UBAP2: variants seen among roughly 807,000 people sequenced by gnomAD.
UBAP2 encodes the protein ubiquitin-associated protein 2.
In UBAP2, 75 loss-of-function variants were observed where a neutral mutation model predicts 139.6. The observed-to-expected ratio is 0.54, with a 90% CI of 0.45 to 0.65. The LOEUF is 0.65. Among genes scored for constraint, UBAP2 ranks in the 30% least tolerant of loss-of-function variants. The pLI is 0.00. For missense variants in UBAP2, 1,368 were observed against 1,369.6 expected (o/e 1.00, Z 0.02); for synonymous variants, 526 against 526.2 (o/e 1.00, Z 0.01).
chr9:33,923,164 G>A (rs561193287), intron 26 of UBAP2, 22 bp downstream of exon 26: 2 of 1,613,858 alleles, frequency 1.2e-6, no homozygotes, highest in South Asian at 2.2e-5. Flanking sequence ...GCCTTATCCT[G>A]GAAAGGAGAG....
In UBAP2 at chr9:34,034,126, C is replaced by G. The variant is rs139373837; in HGVS notation, c.-42+14699G>C. 6.6e-5 allele frequency among the ~76,000 whole-genome samples: 10 copies of G among 152,250 alleles called. No homozygotes were observed. The East Asian group carries it at 1.9e-3, about 29-fold the overall frequency. Reference sequence around the variant, plus strand: ...AGGAACCATTTCAACATTTGGCACTCAAATGTCACAAATTCACAATTTATT... The same window carrying G: ...AGGAACCATTTCAACATTTGGCACTGAAATGTCACAAATTCACAATTTATT... On this transcript the variant is annotated intron_variant, in intron 1 of 28. Coordinates refer to ENST00000379238, the MANE Select transcript of UBAP2 (RefSeq NM_001370062.2).
At chr9:34,041,967 G>A (rs1466250905) in intron 1 of UBAP2, among the ~76,000 whole-genome samples, 1 of 152,004 alleles carries the variant, frequency 6.6e-6, no homozygotes, top group African/African-American at 2.4e-5. Context: ...GAATGTTGCA[G>A]TGAGCCAGGA....
In UBAP2 at chr9:33,941,672, C is replaced by G. The variant is rs1825217724; in HGVS notation, c.1906G>C (p.Glu636Gln). Reference sequence around the variant, plus strand: ...ACCATGATGGTTCCTGGAGCTGACTCTGATGAACTCACAGGGCTTTGGTAT... The same window carrying G: ...ACCATGATGGTTCCTGGAGCTGACTGTGATGAACTCACAGGGCTTTGGTAT... ...IPYQSPVSSSESAPGTIMNGH... is the reference protein window; with the variant it reads ...IPYQSPVSSSQSAPGTIMNGH... The change falls in exon 16 of 29, where the codon GAG (glutamate) becomes CAG (glutamine). Residue 636 changes from glutamate to glutamine, a missense_variant. Physicochemically the swap from Glu to Gln is conservative, Grantham distance 29 (BLOSUM62 2). Transcript: ENST00000379238. The G allele has an allele frequency of 1.2e-6, 2 of 1,614,028 alleles. No homozygotes were observed. The highest frequency in any genetic ancestry group is 2.2e-5 in the East Asian group (1 of 44,882).
intron 1 of UBAP2, among the ~76,000 whole-genome samples, chr9:34,029,973 C>T (rs1244505186): frequency 6.9e-6 from 1 of 144,716 alleles, no homozygotes; most frequent in Non-Finnish European, 1.5e-5. Context: ...GGTGACAGAG[C>T]AAGACTCCAT....
In UBAP2 at chr9:33,956,328, T is replaced by C. The variant is rs1028951283; in HGVS notation, c.799-182A>G. On this transcript the variant is annotated intron_variant, in intron 10 of 28. Coordinates refer to ENST00000379238, the MANE Select transcript of UBAP2 (RefSeq NM_001370062.2). Reference sequence around the variant, plus strand: ...TTCAAGTGAATGCAATTTTTTTTTTTTTTTTTTTGAGACAGGGTCTGGCGC... The same window carrying C: ...TTCAAGTGAATGCAATTTTTTTTTTCTTTTTTTTGAGACAGGGTCTGGCGC... Among the ~76,000 whole-genome samples, 6 of 151,932 alleles carry C rather than the reference T, an allele frequency of 3.9e-5. No individual in the cohort carries two copies. The South Asian group carries it at 8.3e-4, about 21-fold the overall frequency.
Position 33,941,800 on chromosome 9 carries a change from G to A in UBAP2, c.1778C>T (p.Ser593Phe). The A allele has an allele frequency of 6.2e-7, 1 of 1,614,032 alleles. No homozygotes were observed. The highest frequency in any genetic ancestry group is 8.5e-7 in the Non-Finnish European group (1 of 1,180,004). Residue 593 changes from serine to phenylalanine, a missense_variant, in exon 16 of 29, where the codon TCC becomes TTC. Coordinates refer to ENST00000379238, the MANE Select transcript of UBAP2 (RefSeq NM_001370062.2). ...TGTCAGACTGCAGGAGGTAATGACG[G>A]AAGTTGTATATGTGGAGTTCTGTAC... ...SAVQNSTYTT[S>F]VITSCSLTSS...
At chr9:33,943,677 T>C (rs1825422967) in intron 14 of UBAP2, 88 bp from the exon 15 acceptor site, 1 of 1,281,614 alleles carries the variant, frequency 7.8e-7, no homozygotes, top group Non-Finnish European at 1.1e-6. Context: ...AGCATTTAGG[T>C]TCCCAGGCAA....
intron 1 of UBAP2, among the ~76,000 whole-genome samples, chr9:34,029,926 G>C (rs1013859515): frequency 2.6e-5 from 4 of 151,358 alleles, no homozygotes; most frequent in Middle Eastern, 3.2e-3. Context: ...GGCAGAGGTT[G>C]CAGTGAGCTG....
chr9:34,003,087 G>A, intron 2 of UBAP2, among the ~76,000 whole-genome samples: 1 of 149,564 alleles, frequency 6.7e-6, no homozygotes, highest in Admixed American at 6.7e-5. Flanking sequence ...TTGAGACGAA[G>A]TCTCCCTCTG....
At chr9:33,939,877 GA>G (rs1564022125) in intron 16 of UBAP2, among the ~76,000 whole-genome samples, 1 of 15,760 alleles carries the variant, frequency 6.3e-5, no homozygotes, top group Non-Finnish European at 1.5e-4. Flanking sequence ...AGGAGGAGGG[GA>G]GGAGGAGGAG....
chr9:33,994,163 G>A (rs1821953702), intron 4 of UBAP2, among the ~76,000 whole-genome samples: 1 of 152,032 alleles, frequency 6.6e-6, no homozygotes, highest in Admixed American at 6.6e-5. Flanking sequence ...CAAAGTGCTG[G>A]GATTACAGGC....
At chr9:33,983,761 AG>A (rs1820968009) in intron 6 of UBAP2, among the ~76,000 whole-genome samples, 1 of 152,258 alleles carries the variant, frequency 6.6e-6, no homozygotes, top group African/African-American at 2.4e-5. Flanking sequence ...CTTTGACAAT[AG>A]TAAGTTTGAA....
chr9:34,017,118 G>A lies in UBAP2; in HGVS notation c.31C>T (p.Arg11Ter), dbSNP rs1192569393. Reference protein sequence around the residue: MMTSVSSDHCRGAREKPQISA... With the variant: MMTSVSSDHC Reference sequence around the variant, plus strand: ...ATCTGTGGTTTTTCCCGAGCACCTCGACAATGGTCACTGCTCACTGAAGTC... The same window carrying A: ...ATCTGTGGTTTTTCCCGAGCACCTCAACAATGGTCACTGCTCACTGAAGTC... The change falls in exon 2 of 29, where the codon CGA (arginine) becomes TGA (stop). Residue 11 changes from arginine (R) to a stop codon, truncating the protein, a stop_gained. Transcript: ENST00000379238. LOFTEE classifies it high-confidence loss of function. 4.3e-6 allele frequency: 7 copies of A among 1,610,732 alleles called. No homozygotes were observed. Among genetic ancestry groups the A allele is most frequent in the Non-Finnish European group, 5.9e-6 (7 of 1,179,228 alleles).
chr9:34,023,901 G>A (rs1454960455), intron 1 of UBAP2, among the ~76,000 whole-genome samples: 4 of 151,944 alleles, frequency 2.6e-5, no homozygotes, highest in African/African-American at 4.8e-5. Flanking sequence ...AAAATTAGCC[G>A]GGCATGGTGG....
intron 1 of UBAP2, among the ~76,000 whole-genome samples, chr9:34,017,660 C>T (rs1222737511): frequency 3.2e-4 from 48 of 152,156 alleles, no homozygotes; most frequent in Admixed American, 3.1e-3. Flanking sequence ...GGTGCGGTGG[C>T]TCACGCCTGT....
intron 1 of UBAP2, among the ~76,000 whole-genome samples, chr9:34,026,917 T>C (rs897928340): frequency 1.3e-5 from 2 of 152,158 alleles, no homozygotes; most frequent in African/African-American, 4.8e-5. Flanking sequence ...TCTTCTTCTA[T>C]ACAACAGCAT....
chr9:33,965,878 C>T (rs1827408439), intron 8 of UBAP2, among the ~76,000 whole-genome samples: 1 of 151,888 alleles, frequency 6.6e-6, no homozygotes, highest in African/African-American at 2.4e-5. Flanking sequence ...GAAGCCCCGT[C>T]TCTACTAAAA....
At chr9:33,926,239 G>T (rs1004864279) in intron 22 of UBAP2, among the ~76,000 whole-genome samples, 1 of 152,200 alleles carries the variant, frequency 6.6e-6, no homozygotes, top group African/African-American at 2.4e-5. Context: ...GGAAGAGGAA[G>T]ACAGTATAAA....
chr9:33,929,586 A>G (rs552822309), intron 19 of UBAP2, among the ~76,000 whole-genome samples: 1 of 152,308 alleles, frequency 6.6e-6, no homozygotes, highest in South Asian at 2.1e-4. Context: ...ACACAGATCT[A>G]TGTAAAAAAA....
Sources: allele counts gnomAD v4.1 joint callset (sites outside exome capture counted in the v4.1 genomes callset), GRCh38; gene constraint gnomAD v4.1.1; transcripts MANE v1.5; gene names NCBI Gene and HGNC (gene_info 2026-07-23, HGNC 2026-07-21).